PRKCA: variants seen among roughly 807,000 people sequenced by gnomAD.
The protein encoded by PRKCA is protein kinase C alpha.
PRKCA carries 27 observed loss-of-function variants against 87.0 expected under a neutral mutation model. That is an observed-to-expected ratio of 0.31 (90% CI 0.23 to 0.43). The LOEUF (loss-of-function observed/expected upper bound fraction) is 0.43, where lower values mean the gene tolerates loss of function less well. Ranked by LOEUF, PRKCA falls within the 20% of genes least tolerant of loss-of-function variation. The pLI is 1.00. For synonymous variants in PRKCA, 329 were observed against 311.1 expected, an observed-to-expected ratio of 1.06 and a Z score of -0.61; for missense variants, 518 against 852.3, an observed-to-expected ratio of 0.61 and a Z score of 4.88.
At chr17:66,790,048 A>G (rs1048553073) in intron 16 of PRKCA, among the ~76,000 whole-genome samples, 1 of 152,306 alleles carries the variant, frequency 6.6e-6, no homozygotes, top group South Asian at 2.1e-4. Flanking sequence ...TTTATGCCAC[A>G]GTCAGTTTCA....
chr17:66,694,104 C>T (rs567394619), intron 8 of PRKCA, among the ~76,000 whole-genome samples: 33 of 152,294 alleles, frequency 2.2e-4, no homozygotes, highest in African/African-American at 7.9e-4. Context: ...TATAATACCA[C>T]AGTGAGAAGT....
intron 3 of PRKCA, among the ~76,000 whole-genome samples, chr17:66,622,805 C>T (rs1259881965): frequency 6.6e-6 from 1 of 152,200 alleles, no homozygotes; most frequent in East Asian, 1.9e-4. Flanking sequence ...GTGGAAACCC[C>T]TTATAAAACC....
At chr17:66,747,137 A>G (rs1014899543) in intron 13 of PRKCA, among the ~76,000 whole-genome samples, 5 of 152,212 alleles carry the variant, frequency 3.3e-5, no homozygotes, top group Non-Finnish European at 7.3e-5. Flanking sequence ...AGTAGCAATC[A>G]TAGCTCCATG....
At chr17:66,781,862 G>GATATATAT (rs1296778155) in intron 14 of PRKCA, among the ~76,000 whole-genome samples, 4 of 113,214 alleles carry the variant, frequency 3.5e-5, no homozygotes, top group Non-Finnish European at 7.2e-5. Flanking sequence ...GAGAGAGAGA[G>GATATATAT]AGAGAGATAT....
Position 66,302,805 on chromosome 17 carries a change from C to A in PRKCA, c.-47C>A. 1 of 1,449,892 alleles carries A rather than the reference C, an allele frequency of 6.9e-7. No homozygotes were observed. The highest frequency in any genetic ancestry group is 9.2e-7 in the Non-Finnish European group (1 of 1,091,948). 89.8% of individuals were successfully genotyped at this position (1,449,892 alleles called of 1,614,324 possible). ...CGCCGCCCCCGCCCACCCGGCCCTC[C>A]GCGGCCGCAGCTCCCCGGCGGAGGC... On this transcript the variant is annotated 5_prime_UTR_variant, in exon 1 of 17. Coordinates refer to ENST00000413366, the MANE Select transcript of PRKCA (RefSeq NM_002737.3).
At chr17:66,380,608 A>G (rs1909724988) in intron 2 of PRKCA, among the ~76,000 whole-genome samples, 1 of 152,194 alleles carries the variant, frequency 6.6e-6, no homozygotes, top group Non-Finnish European at 1.5e-5. Context: ...TATTGTATAA[A>G]TATATGCTAA....
chr17:66,420,567 A>C (rs1359414765), intron 2 of PRKCA, among the ~76,000 whole-genome samples: 1 of 152,208 alleles, frequency 6.6e-6, no homozygotes, highest in Non-Finnish European at 1.5e-5. Flanking sequence ...GCTTTGCATG[A>C]GATGATTTTA....
intron 2 of PRKCA, among the ~76,000 whole-genome samples, chr17:66,377,719 A>ATT (rs1202755202): frequency 1.1e-4 from 4 of 37,168 alleles, no homozygotes; most frequent in African/African-American, 2.4e-4. Context: ...ATATATATAT[A>ATT]TATTTTTTTT....
At chr17:66,788,710 T>C in intron 15 of PRKCA, 129 bp from the exon 16 acceptor site, 1 of 1,107,908 alleles carries the variant, frequency 9.0e-7, no homozygotes. Context: ...AGTGTCTTGG[T>C]CAGCTCTCTG....
At chr17:66,743,425 G>T (rs1974201021) in intron 13 of PRKCA, among the ~76,000 whole-genome samples, 1 of 152,262 alleles carries the variant, frequency 6.6e-6, no homozygotes, top group African/African-American at 2.4e-5. Flanking sequence ...TGTATTAGCA[G>T]CATCGCGGTG....
chr17:66,696,840 C>T (rs189052400), intron 8 of PRKCA, among the ~76,000 whole-genome samples: 2 of 152,310 alleles, frequency 1.3e-5, no homozygotes, highest in Admixed American at 1.3e-4. Context: ...CTCCTGACAC[C>T]TGGCACCCAG....
chr17:66,472,676 C>T (rs1402218366), intron 2 of PRKCA, among the ~76,000 whole-genome samples: 3 of 152,256 alleles, frequency 2.0e-5, no homozygotes, highest in Admixed American at 6.5e-5. Flanking sequence ...CTGCCTTTAG[C>T]CCACAAATGC....
intron 3 of PRKCA, among the ~76,000 whole-genome samples, chr17:66,620,436 A>G (rs1004796564): frequency 6.6e-6 from 1 of 152,212 alleles, no homozygotes; most frequent in African/African-American, 2.4e-5. Flanking sequence ...AGGAAAATGC[A>G]ACTTTTCTAG....
intron 14 of PRKCA, chr17:66,774,701 T>C: frequency 1.1e-5 from 11 of 986,044 alleles, no homozygotes; most frequent in Non-Finnish European, 1.2e-5. Context: ...GGTTATATGG[T>C]TCCCTGCAAG....
At chr17:66,649,942 G>A (rs1302469787) in intron 5 of PRKCA, among the ~76,000 whole-genome samples, 5 of 152,138 alleles carry the variant, frequency 3.3e-5, no homozygotes, top group Admixed American at 3.3e-4. Context: ...AGACAGAGAG[G>A]GAAGAGAGCT....
chr17:66,341,825 T>A (rs1045391175), intron 2 of PRKCA, among the ~76,000 whole-genome samples: 2 of 152,236 alleles, frequency 1.3e-5, no homozygotes, highest in Admixed American at 1.3e-4. Context: ...ACTGTAAACA[T>A]TTATATATCC....
chr17:66,718,293 C>T (rs572639376), intron 8 of PRKCA, among the ~76,000 whole-genome samples: 8 of 151,826 alleles, frequency 5.3e-5, no homozygotes, highest in Non-Finnish European at 1.0e-4. Flanking sequence ...GGATGAGGAG[C>T]CTCTCAGGCC....
chr17:66,771,972 A>T (rs1410961941), intron 13 of PRKCA, among the ~76,000 whole-genome samples: 1 of 152,158 alleles, frequency 6.6e-6, no homozygotes, highest in Non-Finnish European at 1.5e-5. Context: ...AATTTTTTTT[A>T]AAAGCACAAA....
At chr17:66,422,730 T>G (rs907805520) in intron 2 of PRKCA, among the ~76,000 whole-genome samples, 1 of 152,196 alleles carries the variant, frequency 6.6e-6, no homozygotes, top group East Asian at 1.9e-4. Flanking sequence ...CGTGACACTC[T>G]TATTTTTAAC....
Sources: gnomAD v4.1 joint callset for allele counts (sites outside exome capture counted in the v4.1 genomes callset) on GRCh38, gnomAD v4.1.1 for gene constraint, MANE v1.5 for transcripts, NCBI Gene and HGNC (gene_info 2026-07-23, HGNC 2026-07-21) for gene names.